The following AGTR1 variants were observed in gnomAD, a reference collection of about 807,000 sequenced individuals.
AGTR1 encodes the protein type-1 angiotensin II receptor.
A neutral mutation model predicts 19.4 loss-of-function variants in AGTR1; 16 were observed. The observed-to-expected ratio is 0.82, with a 90% CI of 0.56 to 1.25. The LOEUF is 1.25. Ranked by LOEUF, AGTR1 falls within the 50% of genes most tolerant of loss-of-function variation. AGTR1 has a pLI of 0.00. For synonymous variants in AGTR1, 153 were observed against 154.9 expected (o/e 0.99, Z 0.09); for missense variants, 373 against 431.9 (o/e 0.86, Z 1.21).
At chr3:148,707,719 T>C (rs1392187170) in intron 1 of AGTR1, among the ~76,000 whole-genome samples, 1 of 152,072 alleles carries the variant, frequency 6.6e-6, no homozygotes, top group East Asian at 1.9e-4. Flanking sequence ...TACAAGGGCA[T>C]TGGGGAAGAT....
At chr3:148,703,667 G>A (rs940600046) in intron 1 of AGTR1, among the ~76,000 whole-genome samples, 25 of 152,074 alleles carry the variant, frequency 1.6e-4, no homozygotes, top group Admixed American at 2.6e-4. Context: ...TGATACAGTC[G>A]AGATGTAAAC....
At chr3:148,705,413 A>G (rs1712612047) in intron 1 of AGTR1, among the ~76,000 whole-genome samples, 2 of 144,672 alleles carry the variant, frequency 1.4e-5, no homozygotes, top group Non-Finnish European at 3.0e-5. Context: ...AGAATTTTCC[A>G]TTAACCCAGC....
chr3:148,742,228 A>C lies in AGTR1; in HGVS notation c.*113A>C, dbSNP rs1387582928. The C allele has an allele frequency of 4.9e-6, 7 of 1,420,638 alleles. No individual in the cohort carries two copies. The highest frequency in any genetic ancestry group is 7.0e-6 in the Non-Finnish European group (7 of 1,004,704). 88.0% of individuals were successfully genotyped at this position (1,420,638 alleles called of 1,614,324 possible). ...TAGCTACTTTTCAGAATTGAAGGAG[A>C]AAATGCATTATGTGGACTGAACCGA... On this transcript the variant is annotated 3_prime_UTR_variant, in exon 3 of 3. Coordinates refer to ENST00000349243, the MANE Select transcript of AGTR1 (RefSeq NM_000685.5).
At chr3:148,740,039 T>A in intron 2 of AGTR1, 1 of 1,138,402 alleles carries the variant, frequency 8.8e-7, no homozygotes, top group Non-Finnish European at 1.1e-6. Context: ...GTGTTGATTT[T>A]CTAAATCACA....
At chr3:148,713,133 T>C (rs12695881) in intron 2 of AGTR1, among the ~76,000 whole-genome samples, 2,195 of 152,334 alleles carry the variant, frequency 0.014, 28 homozygotes, top group Non-Finnish European at 0.022. Flanking sequence ...TTCAAACCCC[T>C]TAAGATAATG....
At chr3:148,702,572 G>T (rs1241044360) in intron 1 of AGTR1, among the ~76,000 whole-genome samples, 1 of 152,118 alleles carries the variant, frequency 6.6e-6, no homozygotes. Flanking sequence ...ATGCTAGTAG[G>T]GTGGGAAGCC....
intron 2 of AGTR1, among the ~76,000 whole-genome samples, chr3:148,722,460 G>A (rs921443597): frequency 1.3e-5 from 2 of 152,132 alleles, no homozygotes; most frequent in East Asian, 1.9e-4. Flanking sequence ...TTCCCTGGAC[G>A]CTGAGTTTCC....
intron 2 of AGTR1, among the ~76,000 whole-genome samples, chr3:148,729,375 G>T (rs904383730): frequency 1.3e-5 from 2 of 152,146 alleles, no homozygotes; most frequent in African/African-American, 2.4e-5. Flanking sequence ...AACCCAGAAC[G>T]TGCATTTTAT....
At chr3:148,714,048 A>G (rs1017458028) in intron 2 of AGTR1, among the ~76,000 whole-genome samples, 2 of 152,182 alleles carry the variant, frequency 1.3e-5, no homozygotes, top group African/African-American at 4.8e-5. Context: ...TGTCATGATG[A>G]TAGGAATACT....
rs1714171724 is a variant in AGTR1, at chr3:148,730,208, A to G, written c.-47-10781A>G. On this transcript the variant is annotated intron_variant, in intron 2 of 2. Transcript: ENST00000349243. Reference sequence around the variant, plus strand: ...AAGAAAATGAATCACAAGTCAACTGACAGTCCAAAGGCTCCACAGCTCAGA... The same window carrying G: ...AAGAAAATGAATCACAAGTCAACTGGCAGTCCAAAGGCTCCACAGCTCAGA... 5.0e-6 allele frequency: 2 copies of G among 398,398 alleles called. No homozygotes were observed. The highest frequency in any genetic ancestry group is 4.4e-6 in the Non-Finnish European group (1 of 226,000). The allele number at this position is 398,398 out of a possible 1,614,324, so 24.7% of individuals were successfully genotyped here.
chr3:148,741,332 C>G lies in AGTR1; in HGVS notation c.297C>G (p.Tyr99Ter). Residue 99 changes from tyrosine (Y) to a stop codon, truncating the protein, a stop_gained, in exon 3 of 3, where the codon TAC (tyrosine) becomes TAG (stop). Transcript: ENST00000349243. LOFTEE classifies it high-confidence loss of function. ...AATACCGCTGGCCCTTTGGCAATTA[C>G]CTATGTAAGATTGCTTCAGCCAGCG... is the stretch of plus-strand genomic sequence containing the variant. ...AMEYRWPFGN[Y>*]LCKIASASVS... 6.2e-7 allele frequency: 1 copy of G among 1,608,964 alleles called. No individual in the cohort carries two copies. Among genetic ancestry groups the G allele is most frequent in the South Asian group, 1.1e-5 (1 of 91,084 alleles).
intron 2 of AGTR1, among the ~76,000 whole-genome samples, chr3:148,722,888 T>G (rs1713725256): frequency 6.6e-6 from 1 of 152,242 alleles, no homozygotes; most frequent in African/African-American, 2.4e-5. Context: ...GTGTATGAAA[T>G]CATGAACTAT....
chr3:148,727,933 G>T (rs1204229357), intron 2 of AGTR1, among the ~76,000 whole-genome samples: 1 of 152,054 alleles, frequency 6.6e-6, no homozygotes, highest in Non-Finnish European at 1.5e-5. Flanking sequence ...TAATTTTTTG[G>T]TGTGGGAGAC....
intron 1 of AGTR1, among the ~76,000 whole-genome samples, chr3:148,698,788 T>C (rs1712141073): frequency 6.6e-6 from 1 of 152,182 alleles, no homozygotes; most frequent in South Asian, 2.1e-4. Flanking sequence ...AGCCAATGCA[T>C]GTGTGTAACT....
intron 2 of AGTR1, among the ~76,000 whole-genome samples, chr3:148,732,535 A>G (rs1012595549): frequency 6.6e-6 from 1 of 152,144 alleles, no homozygotes; most frequent in South Asian, 2.1e-4. Flanking sequence ...TGTGTTTAAT[A>G]TAGAATATTA....
rs1714938767 is a variant in AGTR1, at chr3:148,742,029, A to G, written c.994A>G (p.Thr332Ala). 6.8e-6 allele frequency: 11 copies of G among 1,614,014 alleles called. No homozygotes were observed. The highest frequency in any genetic ancestry group is 8.5e-6 in the Non-Finnish European group (10 of 1,179,996). ...PKAKSHSNLSTKMSTLSYRPS... is the reference protein window; with the variant it reads ...PKAKSHSNLSAKMSTLSYRPS... ...AGCCAAATCCCACTCAAACCTTTCA[A>G]CAAAAATGAGCACGCTTTCCTACCG... Residue 332 changes from threonine to alanine, a missense_variant, in exon 3 of 3, where the codon ACA (threonine) becomes GCA (alanine). By Grantham distance (58) the Thr-to-Ala change is moderately conservative. Coordinates refer to ENST00000349243, the MANE Select transcript of AGTR1 (RefSeq NM_000685.5).
At chr3:148,705,165 C>G (rs1403971103) in intron 1 of AGTR1, among the ~76,000 whole-genome samples, 1 of 152,144 alleles carries the variant, frequency 6.6e-6, no homozygotes, top group Admixed American at 6.6e-5. Context: ...TGAATGCAAT[C>G]TGCACAAGGT....
At chr3:148,711,742 G>A (rs1268951272) in intron 2 of AGTR1, among the ~76,000 whole-genome samples, 2 of 152,048 alleles carry the variant, frequency 1.3e-5, no homozygotes, top group Non-Finnish European at 1.5e-5. Context: ...TAGATAGACA[G>A]ACAGACAGAT....
At position 148,734,332 on chromosome 3, in the gene AGTR1, A is replaced by C. The variant is rs190999496; in HGVS notation, c.-47-6657A>C. 5.3e-5 allele frequency among the ~76,000 whole-genome samples: 8 copies of C among 152,304 alleles called. No homozygotes were observed. The East Asian group carries it at 1.5e-3, about 29-fold the overall frequency. On this transcript the variant is annotated intron_variant, in intron 2 of 2. Coordinates refer to ENST00000349243, the MANE Select transcript of AGTR1 (RefSeq NM_000685.5). ...TTTGGGTTCTTAGTTATTTTGGATGAAACAAGGGGAGGGCTAGTTGGAAAT... is the reference window on the plus strand; with the variant it reads ...TTTGGGTTCTTAGTTATTTTGGATGCAACAAGGGGAGGGCTAGTTGGAAAT...
Sources: gnomAD v4.1 joint callset for allele counts (sites outside exome capture counted in the v4.1 genomes callset) on GRCh38, gnomAD v4.1.1 for gene constraint, MANE v1.5 for transcripts, NCBI Gene and HGNC (gene_info 2026-07-23, HGNC 2026-07-21) for gene names.